SNTG2: variants seen among roughly 807,000 people sequenced by gnomAD.
The protein encoded by SNTG2 is gamma-2-syntrophin.
Under a neutral mutation model 70.9 loss-of-function variants are expected in SNTG2, and 74 were observed. The observed-to-expected ratio is 1.04, with a 90% confidence interval of 0.86 to 1.27. The LOEUF is 1.27. Among genes scored for constraint, SNTG2 ranks in the 50% most tolerant of loss-of-function variants. The probability of loss-of-function intolerance (pLI) is 0.00; values close to 1 mark genes in which losing one functional copy is unlikely to be tolerated. For synonymous variants in SNTG2, 278 were observed against 273.8 expected, an observed-to-expected ratio of 1.02 and a Z score of -0.15; for missense variants, 717 against 690.7, an observed-to-expected ratio of 1.04 and a Z score of -0.43.
At chr2:1,025,464 A>G (rs1294060307) in intron 1 of SNTG2, among the ~76,000 whole-genome samples, 1 of 152,144 alleles carries the variant, frequency 6.6e-6, no homozygotes, top group Non-Finnish European at 1.5e-5. Context: ...CACAAACTTA[A>G]TATTTTTAGT....
At chr2:1,267,884 A>G (rs916441204) in intron 14 of SNTG2, among the ~76,000 whole-genome samples, 2 of 152,214 alleles carry the variant, frequency 1.3e-5, no homozygotes, top group Admixed American at 6.5e-5. Context: ...AGAAGTGATG[A>G]CACTTCTAGC....
intron 13 of SNTG2, among the ~76,000 whole-genome samples, chr2:1,263,229 C>T (rs1046728600): frequency 6.6e-6 from 1 of 151,968 alleles, no homozygotes; most frequent in Non-Finnish European, 1.5e-5. Flanking sequence ...AATCAAAAGA[C>T]CATTGAGAAA....
chr2:1,227,761 G>T (rs950722183), intron 9 of SNTG2, among the ~76,000 whole-genome samples: 13 of 152,224 alleles, frequency 8.5e-5, no homozygotes, highest in Admixed American at 2.6e-4. Flanking sequence ...ACATGATTAT[G>T]TTTTACAGTC....
intron 9 of SNTG2, among the ~76,000 whole-genome samples, chr2:1,221,469 C>A: frequency 1.8e-5 from 1 of 56,700 alleles, no homozygotes; most frequent in African/African-American, 9.9e-5. Flanking sequence ...GTCTCTGTCT[C>A]TCTGTCTCTC....
In SNTG2 at chr2:1,238,053, T is replaced by C. The variant is rs1406449666; in HGVS notation, c.849+36T>C. ...GGTGTTTCTGAGTCTCTGCTGATGC[T>C]CATTCGTGCATGAAAAATAATGGAG... On this transcript the variant is annotated intron_variant, in intron 10 of 16. Transcript: ENST00000308624. The C allele has an allele frequency of 1.9e-6, 3 of 1,580,676 alleles. No homozygotes were observed. In the South Asian group the frequency reaches 3.4e-5, roughly 18 times the overall value.
At chr2:1,174,576 A>G (rs1011157371) in intron 8 of SNTG2, among the ~76,000 whole-genome samples, 6 of 152,170 alleles carry the variant, frequency 3.9e-5, no homozygotes, top group Non-Finnish European at 7.3e-5. Flanking sequence ...TGAGTGCTAG[A>G]TTATACCAGG....
intron 2 of SNTG2, among the ~76,000 whole-genome samples, chr2:1,085,064 C>A (rs955567327): frequency 7.9e-5 from 12 of 152,312 alleles, no homozygotes; most frequent in Middle Eastern, 6.8e-3. Context: ...AAGATTCCCA[C>A]AACCCTGAGG....
Position 1,259,440 on chromosome 2 carries a change from A to G in SNTG2, c.1076A>G (p.Lys359Arg), listed in dbSNP as rs770690672. 3 of 1,613,486 alleles carry G rather than the reference A, an allele frequency of 1.9e-6. No homozygotes were observed. The highest frequency in any genetic ancestry group is 2.5e-6 in the Non-Finnish European group (3 of 1,179,546). Residue 359 changes from lysine (K) to arginine (R), a missense_variant and splice_region_variant, in exon 13 of 17, where the codon AAG becomes AGG. By Grantham distance (26) the Lys-to-Arg change is conservative. Transcript: ENST00000308624. ...TGTGAGGTGCTATTTAAAGTTCACA[A>G]GGTAGGTATCTTTTGCACTTCAGAT... ...HLCEVLFKVH[K>R]FWLTEDCWLQ...
At chr2:1,203,669 A>ATATATAT (rs1553355220) in intron 8 of SNTG2, among the ~76,000 whole-genome samples, 1 of 94,222 alleles carries the variant, frequency 1.1e-5, no homozygotes, top group African/African-American at 3.6e-5. Context: ...CAAACAAAAA[A>ATATATAT]AAAAATATAT....
Position 1,148,519 on chromosome 2 carries a change from C to G in SNTG2, c.411+10710C>G, listed in dbSNP as rs138553516. On this transcript the variant is annotated intron_variant, in intron 6 of 16. Transcript: ENST00000308624. Reference sequence around the variant, plus strand: ...GGCTGAGCAGGAGTCAGCTAAGGACCTGCCTGTGAGCTCTTCATGCTGAAG... The same window carrying G: ...GGCTGAGCAGGAGTCAGCTAAGGACGTGCCTGTGAGCTCTTCATGCTGAAG... Among the ~76,000 whole-genome samples the G allele has an allele frequency of 9.2e-3, 1,397 of 152,312 alleles. 18 individuals are homozygous for G. The highest frequency in any genetic ancestry group is 0.044 in the Middle Eastern group (13 of 294).
intron 9 of SNTG2, among the ~76,000 whole-genome samples, chr2:1,209,735 G>A (rs1486265962): frequency 6.6e-6 from 1 of 152,196 alleles, no homozygotes. Context: ...TGATGTTTCT[G>A]TAGCTTTTCG....
At chr2:1,117,053 T>A (rs73154609) in intron 4 of SNTG2, among the ~76,000 whole-genome samples, 20 of 59,808 alleles carry the variant, frequency 3.3e-4, no homozygotes, top group African/African-American at 1.4e-3. Flanking sequence ...GTGTGGGTGC[T>A]CTGGTGTGTG....
intron 6 of SNTG2, among the ~76,000 whole-genome samples, chr2:1,148,370 G>A (rs1026455126): frequency 1.3e-5 from 2 of 152,190 alleles, no homozygotes; most frequent in African/African-American, 2.4e-5. Flanking sequence ...ACATGAAGGC[G>A]ACATCACCTC....
At chr2:1,297,631 C>G (rs2148230826) in intron 14 of SNTG2, among the ~76,000 whole-genome samples, 1 of 152,322 alleles carries the variant, frequency 6.6e-6, no homozygotes, top group Non-Finnish European at 1.5e-5. Context: ...GTGGCCCAGC[C>G]TGGCGCATCC....
intron 4 of SNTG2, among the ~76,000 whole-genome samples, chr2:1,101,869 C>T (rs986644551): frequency 6.6e-5 from 10 of 152,214 alleles, no homozygotes; most frequent in African/African-American, 9.6e-5. Context: ...AGCTCTCATT[C>T]TCCAGGGACA....
chr2:1,251,704 CACACACACA>C (rs1490762292), intron 12 of SNTG2, among the ~76,000 whole-genome samples: 1 of 145,272 alleles, frequency 6.9e-6, no homozygotes, highest in African/African-American at 2.6e-5. Flanking sequence ...CCATGCACAC[CACACACACA>C]ACACAAATAG....
chr2:1,012,916 T>C (rs1295276687), intron 1 of SNTG2, among the ~76,000 whole-genome samples: 1 of 55,982 alleles, frequency 1.8e-5, no homozygotes, highest in Non-Finnish European at 3.9e-5. Context: ...GGAGAAGGAT[T>C]TATATGGGCA....
chr2:1,291,655 C>G (rs1679998266), intron 14 of SNTG2, among the ~76,000 whole-genome samples: 1 of 152,224 alleles, frequency 6.6e-6, no homozygotes, highest in Non-Finnish European at 1.5e-5. Flanking sequence ...TATCTGAGCA[C>G]CTATGTGAGG....
chr2:1,210,713 C>T (rs567111613), intron 9 of SNTG2: 14 of 152,266 alleles, frequency 9.2e-5, no homozygotes, highest in Admixed American at 2.6e-4. Context: ...CATTTTTTAA[C>T]TTTTATACCC....
Sources: gnomAD v4.1 joint callset for allele counts (sites outside exome capture counted in the v4.1 genomes callset) on GRCh38, gnomAD v4.1.1 for gene constraint, MANE v1.5 for transcripts, NCBI Gene and HGNC (gene_info 2026-07-23, HGNC 2026-07-21) for gene names.